Variants in PRKG1 observed in about 807,000 individuals in gnomAD.
PRKG1 encodes the protein cGMP-dependent protein kinase 1.
PRKG1 carries 35 observed loss-of-function variants against 88.1 expected under a neutral mutation model. The ratio of observed to expected loss-of-function variants is 0.40; its 90% CI spans 0.30 to 0.53. The LOEUF (loss-of-function observed/expected upper bound fraction) is 0.53. PRKG1 is among the 20% of genes least tolerant of loss of function. The probability of loss-of-function intolerance (pLI) is 0.59; values close to 1 mark genes in which losing one functional copy is unlikely to be tolerated. For missense variants in PRKG1, 540 were observed against 839.8 expected (o/e 0.64, Z 4.41); for synonymous variants, 303 against 292.5 (o/e 1.04, Z -0.37).
intron 10 of PRKG1, chr10:52,252,293 A>G (rs1421587563): frequency 6.6e-6 from 1 of 152,176 alleles, no homozygotes; most frequent in African/African-American, 2.4e-5. Flanking sequence ...AATACATTGC[A>G]TGAATGTGGT....
chr10:52,147,433 GAAAACA>G (rs1247738855), intron 8 of PRKG1, among the ~76,000 whole-genome samples: 17 of 152,142 alleles, frequency 1.1e-4, no homozygotes, highest in Admixed American at 1.0e-3. Context: ...CATGGGACCA[GAAAACA>G]AAAACAGTTT....
At chr10:51,455,332 A>G (rs1053032016) in intron 2 of PRKG1, among the ~76,000 whole-genome samples, 1 of 152,248 alleles carries the variant, frequency 6.6e-6, no homozygotes, top group Non-Finnish European at 1.5e-5. Context: ...AAGGTCTCTG[A>G]CATGCCCTGT....
At chr10:52,008,354 AAATT>A (rs1844792869) in intron 5 of PRKG1, among the ~76,000 whole-genome samples, 2 of 152,014 alleles carry the variant, frequency 1.3e-5, no homozygotes, top group African/African-American at 4.8e-5. Flanking sequence ...TTTTTTGAAA[AAATT>A]AATAAGATAG....
chr10:52,137,644 T>TA (rs1837463997), intron 8 of PRKG1, among the ~76,000 whole-genome samples: 2 of 152,096 alleles, frequency 1.3e-5, no homozygotes, highest in African/African-American at 4.8e-5. Flanking sequence ...CTAGGTTACT[T>TA]ACAATACCTA....
intron 3 of PRKG1, among the ~76,000 whole-genome samples, chr10:51,716,206 C>T (rs921351092): frequency 6.6e-6 from 1 of 152,170 alleles, no homozygotes; most frequent in Non-Finnish European, 1.5e-5. Flanking sequence ...GAGAATTGAC[C>T]TCACACAGCT....
chr10:51,534,738 T>C (rs1589053499), intron 3 of PRKG1, among the ~76,000 whole-genome samples: 1 of 151,392 alleles, frequency 6.6e-6, no homozygotes, highest in Non-Finnish European at 1.5e-5. Context: ...TATTGTGTGA[T>C]AAAATAGCCA....
chr10:51,117,305 A>C (rs4935223), intron 1 of PRKG1, among the ~76,000 whole-genome samples: 121,263 of 152,134 alleles, frequency 0.8, 48,907 homozygotes, highest in South Asian at 0.88. Context: ...CCTTATTGGG[A>C]AAGTCCATAA....
intron 3 of PRKG1, among the ~76,000 whole-genome samples, chr10:51,531,385 T>C (rs1442349407): frequency 6.6e-6 from 1 of 152,148 alleles, no homozygotes; most frequent in Non-Finnish European, 1.5e-5. Flanking sequence ...ACATAATAGG[T>C]ACATAATACT....
intron 2 of PRKG1, among the ~76,000 whole-genome samples, chr10:51,378,165 G>C (rs1343255370): frequency 1.3e-5 from 2 of 152,208 alleles, no homozygotes; most frequent in African/African-American, 4.8e-5. Flanking sequence ...AGGAATAGTA[G>C]AATGCCTAAA....
chr10:51,641,209 T>C (rs910626707), intron 3 of PRKG1, among the ~76,000 whole-genome samples: 35 of 152,278 alleles, frequency 2.3e-4, no homozygotes, highest in African/African-American at 8.2e-4. Flanking sequence ...AACAATGAGC[T>C]GTGCTCAGGG....
At chr10:51,837,316 G>T (rs1248070618) in intron 4 of PRKG1, among the ~76,000 whole-genome samples, 1 of 152,018 alleles carries the variant, frequency 6.6e-6, no homozygotes, top group African/African-American at 2.4e-5. Flanking sequence ...TTTGAATATG[G>T]CACTTAAAAA....
chr10:51,222,309 G>C (rs1219850320), intron 2 of PRKG1, among the ~76,000 whole-genome samples: 1 of 152,108 alleles, frequency 6.6e-6, no homozygotes, highest in Admixed American at 6.5e-5. Flanking sequence ...GTTGAGGAAA[G>C]CAGTCTGCCT....
At chr10:51,746,731 T>G (rs895907987) in intron 3 of PRKG1, among the ~76,000 whole-genome samples, 16 of 86,490 alleles carry the variant, frequency 1.8e-4, no homozygotes, top group South Asian at 1.7e-3. Flanking sequence ...TCAAAAAAAA[T>G]AAAAAGAAAA....
At chr10:52,200,467 C>T (rs1045246752) in intron 9 of PRKG1, among the ~76,000 whole-genome samples, 17 of 152,106 alleles carry the variant, frequency 1.1e-4, no homozygotes, top group African/African-American at 3.9e-4. Context: ...CATTGACAGG[C>T]ATTTAGGTTG....
chr10:51,524,011 G>A (rs1486938066), intron 3 of PRKG1, among the ~76,000 whole-genome samples: 1 of 152,126 alleles, frequency 6.6e-6, no homozygotes, highest in African/African-American at 2.4e-5. Context: ...TCCTCTCTGG[G>A]CTGTTCTCGT....
At chr10:51,290,854 G>A (rs544499660) in intron 2 of PRKG1, among the ~76,000 whole-genome samples, 2 of 152,090 alleles carry the variant, frequency 1.3e-5, no homozygotes, top group East Asian at 1.9e-4. Context: ...ACAAGTCCCT[G>A]TGTTCTCTTA....
At chr10:51,726,274 C>T (rs1020876064) in intron 3 of PRKG1, among the ~76,000 whole-genome samples, 11 of 152,154 alleles carry the variant, frequency 7.2e-5, no homozygotes, top group African/African-American at 2.7e-4. Flanking sequence ...TGGAGGCATA[C>T]ATTTTGTAAA....
chr10:52,114,148 C>A (rs1028274977), intron 7 of PRKG1, among the ~76,000 whole-genome samples: 8 of 151,954 alleles, frequency 5.3e-5, no homozygotes, highest in Non-Finnish European at 1.2e-4. Flanking sequence ...GTGGTGAAGT[C>A]AAATATGACC....
intron 7 of PRKG1, among the ~76,000 whole-genome samples, chr10:52,114,643 A>G (rs768044306): frequency 1.4e-4 from 22 of 152,034 alleles, no homozygotes; most frequent in Non-Finnish European, 2.4e-4. Flanking sequence ...CCAATCATCA[A>G]TGAAGCTAAA....
Sources: gnomAD v4.1 joint callset for allele counts (sites outside exome capture counted in the v4.1 genomes callset) on GRCh38, gnomAD v4.1.1 for gene constraint, MANE v1.5 for transcripts, NCBI Gene and HGNC (gene_info 2026-07-23, HGNC 2026-07-21) for gene names.